The following EIF4B variants were observed in gnomAD, a reference collection of about 807,000 sequenced individuals.
EIF4B encodes the protein eukaryotic translation initiation factor 4B.
A neutral mutation model predicts 79.3 loss-of-function variants in EIF4B; 8 were observed. The observed-to-expected ratio is 0.10, with a 90% CI of 0.06 to 0.18. The LOEUF is 0.18. EIF4B is among the 10% of genes least tolerant of loss of function. The pLI is 1.00. For missense variants in EIF4B, 515 were observed against 792.4 expected (o/e 0.65, Z 4.20); for synonymous variants, 238 against 274.7 (o/e 0.87, Z 1.32).
chr12:53,019,807 A>G, intron 3 of EIF4B, 103 bp from the exon 4 acceptor site: 2 of 1,074,530 alleles, frequency 1.9e-6, no homozygotes, highest in Non-Finnish European at 2.7e-6. Flanking sequence ...TTGTGTATTC[A>G]GAAAAATTCA....
At chr12:53,010,310 C>G (rs1943042742) in intron 1 of EIF4B, among the ~76,000 whole-genome samples, 1 of 152,186 alleles carries the variant, frequency 6.6e-6, no homozygotes, top group Non-Finnish European at 1.5e-5. Context: ...CTTTACTATG[C>G]TAAACTTACC....
At chr12:53,007,178 A>G (rs1480814455) in intron 1 of EIF4B, among the ~76,000 whole-genome samples, 2 of 152,002 alleles carry the variant, frequency 1.3e-5, no homozygotes, top group Admixed American at 6.6e-5. Context: ...GTATTCTTCT[A>G]AGGGTGTGTG....
chr12:53,036,593 T>C (rs1943545063), intron 10 of EIF4B, among the ~76,000 whole-genome samples: 1 of 151,950 alleles, frequency 6.6e-6, no homozygotes, highest in African/African-American at 2.4e-5. Flanking sequence ...AAATTTGTTT[T>C]TTTAGAGATG....
At position 53,027,767 on chromosome 12, in the gene EIF4B, G is replaced by A. The variant is rs1943361467; in HGVS notation, c.668-15G>A. ...CAGAGAAAAGGGGATGGTGTTACTT[G>A]TCTGTTTCCTCTAGAGTATCGAGAT... On this transcript the variant is annotated splice_polypyrimidine_tract_variant and intron_variant, in intron 6 of 14. Coordinates refer to ENST00000262056, the MANE Select transcript of EIF4B (RefSeq NM_001417.7). 2 of 1,609,322 alleles carry A rather than the reference G, an allele frequency of 1.2e-6. No individual in the cohort carries two copies. Among genetic ancestry groups the A allele is most frequent in the African/African-American group, 2.7e-5 (2 of 74,844 alleles).
At chr12:53,024,642 C>T (rs567059883) in intron 6 of EIF4B, among the ~76,000 whole-genome samples, 2 of 152,016 alleles carry the variant, frequency 1.3e-5, no homozygotes, top group South Asian at 2.1e-4. Flanking sequence ...CTTAAATTTA[C>T]AAGCTCTTTG....
At chr12:53,034,950 C>G (rs1943512482) in intron 10 of EIF4B, among the ~76,000 whole-genome samples, 1 of 104,062 alleles carries the variant, frequency 9.6e-6, no homozygotes, top group South Asian at 3.4e-4. Context: ...TTAGGTTTGT[C>G]TCTCTCTTTT....
chr12:53,018,661 A>T, intron 2 of EIF4B, 137 bp from the exon 3 acceptor site: 2 of 822,482 alleles, frequency 2.4e-6, no homozygotes, highest in Non-Finnish European at 3.9e-6. Context: ...TGCCCTTATT[A>T]CTGAACCCCC....
intron 9 of EIF4B, 49 bp downstream of exon 9, chr12:53,034,083 T>C (rs568511504): frequency 2.3e-5 from 35 of 1,541,022 alleles, no homozygotes; most frequent in Non-Finnish European, 3.1e-5. Flanking sequence ...TGGTTCGTAA[T>C]GGGGGCATTA....
intron 6 of EIF4B, chr12:53,025,188 T>C (rs1311670418): frequency 8.8e-6 from 4 of 455,350 alleles, no homozygotes; most frequent in African/African-American, 2.0e-5. Context: ...GTGAGGTGAT[T>C]AACTTCAGCA....
intron 1 of EIF4B, among the ~76,000 whole-genome samples, chr12:53,015,102 T>G (rs551442371): frequency 6.6e-6 from 1 of 152,198 alleles, no homozygotes; most frequent in South Asian, 2.1e-4. Context: ...AGTGTTGTTA[T>G]AGTAGAGGAG....
rs778941175 is a variant in EIF4B at position 53,028,022 on chromosome 12, T to G, written c.813T>G (p.Asp271Glu). 1.4e-5 allele frequency: 22 copies of G among 1,611,366 alleles called. No homozygotes were observed. The East Asian group carries it at 2.5e-4, about 18-fold the overall frequency. Residue 271 changes from aspartate (D) to glutamate (E), a missense_variant, in exon 8 of 15, where the codon GAT becomes GAG. This residue lies in a region of EIF4B where 187 missense variants were observed against 256.5 expected (regional missense o/e 0.73). Transcript: ENST00000262056. ...RGSRDYDRGY[D>E]SRIGSGRRAF... Reference sequence around the variant, plus strand: ...TTTGGGATATATTTACAGGCTATGATTCCCGGATAGGCAGTGGCAGAAGAG... The same window carrying G: ...TTTGGGATATATTTACAGGCTATGAGTCCCGGATAGGCAGTGGCAGAAGAG...
chr12:53,018,669 C>T lies in EIF4B; in HGVS notation c.152-129C>T. The T allele has an allele frequency of 3.2e-6, 3 of 938,806 alleles. No homozygotes were observed. The South Asian group carries it at 4.9e-5, about 15-fold the overall frequency. The allele number at this position is 938,806 out of a possible 1,614,324, so 58.2% of individuals were successfully genotyped here. On this transcript the variant is annotated intron_variant, in intron 2 of 14. Coordinates refer to ENST00000262056, the MANE Select transcript of EIF4B (RefSeq NM_001417.7). ...CGTAAAGTGCCCTTATTACTGAACC[C>T]CCACTTTTTTTGGTCTGGTTTTCTT... is the stretch of plus-strand genomic sequence containing the variant.
intron 1 of EIF4B, among the ~76,000 whole-genome samples, chr12:53,009,322 G>A (rs1056533388): frequency 6.6e-6 from 1 of 152,008 alleles, no homozygotes; most frequent in African/African-American, 2.4e-5. Flanking sequence ...ACAGGAGTTC[G>A]AGACCAGCCT....
chr12:53,038,657 C>CA (rs367861123), intron 12 of EIF4B: 16 of 196,314 alleles, frequency 8.2e-5, no homozygotes, highest in South Asian at 1.5e-4. Context: ...ATTAAAAATA[C>CA]AAAAAAAATT....
At position 53,022,487 on chromosome 12, in the gene EIF4B, C is replaced by A; in HGVS notation, c.533-6C>A. 1 of 1,612,576 alleles carries A rather than the reference C, an allele frequency of 6.2e-7. No individual in the cohort carries two copies. Among genetic ancestry groups the A allele is most frequent in the South Asian group, 1.1e-5 (1 of 90,870 alleles). On this transcript the variant is annotated splice_region_variant and splice_polypyrimidine_tract_variant and intron_variant, in intron 5 of 14. Transcript: ENST00000262056. ...ACTTACGGTTTTTGTTTTAATGTATCTGTAGACAGGGATGATCGTTCTTTT... is the reference window on the plus strand; with the variant it reads ...ACTTACGGTTTTTGTTTTAATGTATATGTAGACAGGGATGATCGTTCTTTT...
At chr12:53,022,188 GATAA>G (rs1300981235) in intron 5 of EIF4B, 1 of 666,254 alleles carries the variant, frequency 1.5e-6, no homozygotes, top group Non-Finnish European at 2.7e-6. Context: ...TTAAATAGAT[GATAA>G]ATAGATTAGC....
In EIF4B at chr12:53,034,045, TTGA is replaced by T. The variant is rs1943493874; in HGVS notation, c.1208+14_1208+16del. On this transcript the variant is annotated intron_variant, in intron 9 of 14. Coordinates refer to ENST00000262056, the MANE Select transcript of EIF4B (RefSeq NM_001417.7). ...ACGGCCTCGGGAGAGGTGTGTTGTC[TTGA>T]TGGATATCCCATCTAGGAATCCGGT... 1.1e-5 allele frequency: 18 copies of T among 1,600,204 alleles called. No homozygotes were observed. The highest frequency in any genetic ancestry group is 1.4e-5 in the Non-Finnish European group (16 of 1,172,830).
intron 3 of EIF4B, 90 bp from the exon 4 acceptor site, chr12:53,019,820 C>G (rs1943219283): frequency 8.2e-7 from 1 of 1,213,870 alleles, no homozygotes; most frequent in South Asian, 1.4e-5. Flanking sequence ...AAAATTCATG[C>G]ACATACAGTA....
chr12:53,015,479 C>T (rs1390362517), intron 1 of EIF4B, among the ~76,000 whole-genome samples: 2 of 150,522 alleles, frequency 1.3e-5, no homozygotes, highest in Non-Finnish European at 3.0e-5. Context: ...TGGGATCCTC[C>T]AGGATACTTG....
Sources: gnomAD v4.1 joint callset for allele counts (sites outside exome capture counted in the v4.1 genomes callset) on GRCh38, gnomAD v4.1.1 for gene constraint, gnomAD v4.1.1 regional missense constraint, MANE v1.5 for transcripts, NCBI Gene and HGNC (gene_info 2026-07-23, HGNC 2026-07-21) for gene names.